Variants in FHIT observed in about 807,000 individuals in gnomAD.
The protein encoded by FHIT is fragile histidine triad diadenosine triphosphatase, also known as bis(5'-adenosyl)-triphosphatase.
FHIT carries 19 observed loss-of-function variants against 17.9 expected under a neutral mutation model. That is an observed-to-expected ratio of 1.06 (90% CI 0.74 to 1.56). The LOEUF is 1.56. Ranked by LOEUF, FHIT falls within the 40% of genes most tolerant of loss-of-function variation. FHIT has a pLI of 0.00. For missense variants in FHIT, 248 were observed against 189.2 expected (o/e 1.31, Z -1.82); for synonymous variants, 81 against 69.7 (o/e 1.16, Z -0.81).
intron 2 of FHIT, among the ~76,000 whole-genome samples, chr3:61,048,100 G>A (rs1050835085): frequency 2.0e-5 from 3 of 151,628 alleles, no homozygotes; most frequent in African/African-American, 7.3e-5. Flanking sequence ...AAAAGCAATG[G>A]CAACAAAAGC....
rs1284586022 is a variant in FHIT, at chr3:60,203,045, C to T, written c.104-188893G>A. 2.6e-5 allele frequency among the ~76,000 whole-genome samples: 4 copies of T among 151,804 alleles called. No homozygotes were observed. The South Asian group carries it at 8.3e-4, about 32-fold the overall frequency. On this transcript the variant is annotated intron_variant, in intron 5 of 9. Transcript: ENST00000492590. Reference sequence around the variant, plus strand: ...AGAAGTACATAGACATACACACACACGTGTCTGTAAAATTGGTAAAATCTG... The same window carrying T: ...AGAAGTACATAGACATACACACACATGTGTCTGTAAAATTGGTAAAATCTG...
chr3:60,224,802 A>C (rs1391467336), intron 5 of FHIT, among the ~76,000 whole-genome samples: 5 of 149,478 alleles, frequency 3.3e-5, no homozygotes, highest in East Asian at 2.0e-4. Context: ...TTGGCTGAAA[A>C]CTCCGGCTCC....
intron 4 of FHIT, among the ~76,000 whole-genome samples, chr3:60,554,239 GT>G (rs1336421790): frequency 8.9e-6 from 1 of 111,832 alleles, no homozygotes; most frequent in South Asian, 4.1e-4. Context: ...CATCTTAACG[GT>G]TAAAAAAAAA....
At chr3:59,843,881 A>G (rs7621132) in intron 8 of FHIT, among the ~76,000 whole-genome samples, 49,128 of 151,888 alleles carry the variant, frequency 0.32, 8,859 homozygotes, top group East Asian at 0.6. Context: ...GCAATCCCCA[A>G]TGTTGGAGAT....
At chr3:60,404,780 C>G (rs992444281) in intron 5 of FHIT, among the ~76,000 whole-genome samples, 1 of 152,086 alleles carries the variant, frequency 6.6e-6, no homozygotes, top group African/African-American at 2.4e-5. Context: ...GCCCATAATA[C>G]AAGCTCAGTA....
chr3:61,085,815 T>G (rs188842516), intron 2 of FHIT, among the ~76,000 whole-genome samples: 1 of 152,260 alleles, frequency 6.6e-6, no homozygotes, highest in Admixed American at 6.5e-5. Flanking sequence ...ACAGGCTAAT[T>G]TTTGGATAAA....
Position 60,526,137 on chromosome 3 carries a change from T to TACACACACACACACACACAC in FHIT, c.103+10703_103+10722dup, listed in dbSNP as rs59137290. 9.3e-3 allele frequency among the ~76,000 whole-genome samples: 1,381 copies of TACACACACACACACACACAC among 148,116 alleles called. 17 individuals are homozygous for TACACACACACACACACACAC. Among genetic ancestry groups the TACACACACACACACACACAC allele is most frequent in the East Asian group, 0.026 (128 of 4,934 alleles). On this transcript the variant is annotated intron_variant, in intron 5 of 9. Coordinates refer to ENST00000492590, the MANE Select transcript of FHIT (RefSeq NM_002012.4). The stretch of plus-strand genomic sequence containing the variant: ...AACACAAAATGAAACACACAACACA[T>TACACACACACACACACACAC]ACACACACACACACACACACACACA...
chr3:59,806,555 C>T (rs989688647), intron 8 of FHIT, among the ~76,000 whole-genome samples: 1 of 152,002 alleles, frequency 6.6e-6, no homozygotes, highest in Middle Eastern at 3.2e-3. Context: ...TTGACTCTCT[C>T]CTACCATCCA....
intron 8 of FHIT, among the ~76,000 whole-genome samples, chr3:59,820,267 T>C (rs747703580): frequency 6.6e-6 from 1 of 152,208 alleles, no homozygotes; most frequent in Non-Finnish European, 1.5e-5. Flanking sequence ...ATACTACTAA[T>C]GTCCAGGTAA....
intron 3 of FHIT, among the ~76,000 whole-genome samples, chr3:60,996,075 A>G (rs2030653169): frequency 6.6e-6 from 1 of 152,180 alleles, no homozygotes; most frequent in Non-Finnish European, 1.5e-5. Context: ...CTGAACTGTG[A>G]TAATTGTGGG....
intron 3 of FHIT, among the ~76,000 whole-genome samples, chr3:60,965,044 TCTC>T (rs1709652925): frequency 6.6e-6 from 1 of 152,198 alleles, no homozygotes; most frequent in Non-Finnish European, 1.5e-5. Flanking sequence ...TTGGTTCCAT[TCTC>T]CTCATCACTT....
intron 4 of FHIT, among the ~76,000 whole-genome samples, chr3:60,543,952 G>T (rs1031320004): frequency 2.6e-5 from 3 of 116,262 alleles, no homozygotes; most frequent in Non-Finnish European, 5.0e-5. Flanking sequence ...TAGAGACAGG[G>T]TTTCACTGTG....
chr3:60,000,197 C>CCTTGACTT (rs1184629253), intron 7 of FHIT, among the ~76,000 whole-genome samples: 3 of 152,056 alleles, frequency 2.0e-5, no homozygotes. Flanking sequence ...TGTAGGATTC[C>CCTTGACTT]TAAAGTCAAG....
At chr3:59,794,220 G>A (rs757021016) in intron 8 of FHIT, among the ~76,000 whole-genome samples, 11 of 152,164 alleles carry the variant, frequency 7.2e-5, no homozygotes, top group Non-Finnish European at 1.5e-4. Context: ...TGACTTAAAC[G>A]AAACAACAGA....
intron 7 of FHIT, among the ~76,000 whole-genome samples, chr3:59,931,571 G>A (rs1705972700): frequency 6.6e-6 from 1 of 151,932 alleles, no homozygotes; most frequent in African/African-American, 2.4e-5. Context: ...TCAGGCAGTT[G>A]GTATGCCTTT....
intron 5 of FHIT, among the ~76,000 whole-genome samples, chr3:60,308,013 G>A (rs997778657): frequency 1.3e-5 from 2 of 152,150 alleles, no homozygotes; most frequent in South Asian, 4.1e-4. Flanking sequence ...AATGTCATTT[G>A]GAGGTAAGTA....
intron 7 of FHIT, among the ~76,000 whole-genome samples, chr3:59,985,079 T>A (rs1375330777): frequency 6.6e-6 from 1 of 152,100 alleles, no homozygotes; most frequent in Non-Finnish European, 1.5e-5. Context: ...TTCAGGGACA[T>A]CTTCTCTGTG....
At chr3:60,198,153 C>G (rs1410677621) in intron 5 of FHIT, among the ~76,000 whole-genome samples, 1 of 151,788 alleles carries the variant, frequency 6.6e-6, no homozygotes, top group African/African-American at 2.4e-5. Context: ...AATTTCACTA[C>G]AGAGTAGAGT....
At chr3:61,137,085 G>A (rs1207077848) in intron 2 of FHIT, among the ~76,000 whole-genome samples, 1 of 152,070 alleles carries the variant, frequency 6.6e-6, no homozygotes, top group African/African-American at 2.4e-5. Context: ...GGAAGGAACT[G>A]GATACTCAAT....
Sources: allele counts gnomAD v4.1 joint callset (sites outside exome capture counted in the v4.1 genomes callset), GRCh38; gene constraint gnomAD v4.1.1; transcripts MANE v1.5; gene names NCBI Gene and HGNC (gene_info 2026-07-23, HGNC 2026-07-21).